Variants in R3HDM1 observed in about 807,000 individuals in gnomAD.
The protein encoded by R3HDM1 is R3H domain-containing protein 1.
A neutral mutation model predicts 141.1 loss-of-function variants in R3HDM1; 46 were observed. The observed-to-expected ratio is 0.33, with a 90% CI of 0.26 to 0.42. R3HDM1 has a LOEUF of 0.42. Among genes scored for constraint, R3HDM1 ranks in the 10% least tolerant of loss-of-function variants. The pLI is 1.00. For synonymous variants in R3HDM1, 435 were observed against 472.9 expected, an observed-to-expected ratio of 0.92 and a Z score of 1.04; for missense variants, 1,184 against 1,368.3, an observed-to-expected ratio of 0.87 and a Z score of 2.12.
At chr2:135,572,127 T>G (rs1704258706) in intron 1 of R3HDM1, among the ~76,000 whole-genome samples, 1 of 152,084 alleles carries the variant, frequency 6.6e-6, no homozygotes, top group Non-Finnish European at 1.5e-5. Context: ...CCAGCTAATT[T>G]TTTTGGTTTT....
At chr2:135,708,473 TAAG>T (rs1316845967) in intron 21 of R3HDM1, among the ~76,000 whole-genome samples, 2 of 152,174 alleles carry the variant, frequency 1.3e-5, no homozygotes, top group Non-Finnish European at 2.9e-5. Context: ...CCAACTAAAT[TAAG>T]AAATACTGTT....
intron 1 of R3HDM1, among the ~76,000 whole-genome samples, chr2:135,541,934 A>C (rs1002527716): frequency 6.6e-6 from 1 of 152,090 alleles, no homozygotes. Flanking sequence ...TTTTTACCCA[A>C]AATGTGTGAG....
At chr2:135,601,910 C>T (rs1385385543) in intron 1 of R3HDM1, among the ~76,000 whole-genome samples, 2 of 151,602 alleles carry the variant, frequency 1.3e-5, no homozygotes, top group African/African-American at 4.8e-5. Flanking sequence ...GATCCTCCTG[C>T]CTTGGCTTCC....
At chr2:135,654,876 G>A (rs2065621088) in intron 18 of R3HDM1, among the ~76,000 whole-genome samples, 1 of 147,568 alleles carries the variant, frequency 6.8e-6, no homozygotes, top group South Asian at 2.1e-4. Flanking sequence ...GTGTGTGTGT[G>A]TGTGTGTGTG....
In R3HDM1 at chr2:135,560,729, G is replaced by A. The variant is rs115774816; in HGVS notation, c.-250+29096G>A. ...GACTTGAGGTGCTTATCTGTACTCA[G>A]TTATGCTTTCTGGGCATCTGGAACA... On this transcript the variant is annotated intron_variant, in intron 1 of 26. Transcript: ENST00000683871. 6.2e-3 allele frequency among the ~76,000 whole-genome samples: 943 copies of A among 152,304 alleles called. 8 individuals are homozygous for A. The highest frequency in any genetic ancestry group is 0.042 in the South Asian group (201 of 4,826).
At chr2:135,722,385 T>C in intron 25 of R3HDM1, 84 bp from the exon 26 acceptor site, 1 of 1,391,492 alleles carries the variant, frequency 7.2e-7, no homozygotes, top group Non-Finnish European at 9.9e-7. Context: ...AAACTAAAGG[T>C]GTTTTGGTGT....
chr2:135,540,568 G>A (rs540594617), intron 1 of R3HDM1, among the ~76,000 whole-genome samples: 5 of 152,164 alleles, frequency 3.3e-5, no homozygotes, highest in African/African-American at 7.2e-5. Flanking sequence ...CACCACATCC[G>A]TCTATTTTTA....
intron 18 of R3HDM1, among the ~76,000 whole-genome samples, chr2:135,659,395 GC>G (rs1311694143): frequency 6.6e-6 from 1 of 151,626 alleles, no homozygotes; most frequent in Admixed American, 6.6e-5. Context: ...CCTGCCCCTG[GC>G]CCTGAATCTG....
intron 3 of R3HDM1, among the ~76,000 whole-genome samples, chr2:135,615,060 C>A (rs2060894400): frequency 6.6e-6 from 1 of 151,956 alleles, no homozygotes; most frequent in Non-Finnish European, 1.5e-5. Flanking sequence ...AGTCATTTTT[C>A]TTTTATTTTT....
chr2:135,605,387 T>C (rs1173355365), intron 3 of R3HDM1: 1 of 161,978 alleles, frequency 6.2e-6, no homozygotes, highest in African/African-American at 2.4e-5. Context: ...AGACGAACTA[T>C]TGGCAAAAAC....
intron 21 of R3HDM1, among the ~76,000 whole-genome samples, chr2:135,687,956 C>T (rs313526): frequency 0.49 from 74,786 of 152,036 alleles, 23,106 homozygotes; most frequent in East Asian, 0.88. Flanking sequence ...ATTTGCAAAT[C>T]TGCCTATTTG....
chr2:135,537,180 A>G (rs1696343260), intron 1 of R3HDM1, among the ~76,000 whole-genome samples: 1 of 151,688 alleles, frequency 6.6e-6, no homozygotes, highest in Non-Finnish European at 1.5e-5. Flanking sequence ...AATTTAAAAA[A>G]AAAAAAAAAA....
At chr2:135,589,589 G>A (rs1375289508) in intron 1 of R3HDM1, among the ~76,000 whole-genome samples, 1 of 151,856 alleles carries the variant, frequency 6.6e-6, no homozygotes, top group Non-Finnish European at 1.5e-5. Flanking sequence ...TAAGCCCCAG[G>A]GTACCACAAA....
intron 7 of R3HDM1, 37 bp from the exon 8 acceptor site, chr2:135,631,681 A>G: frequency 6.7e-7 from 1 of 1,493,330 alleles, no homozygotes; most frequent in South Asian, 1.3e-5. Context: ...CTTCATTGCT[A>G]AGTTTTACAT....
At chr2:135,661,171 T>C (rs3769018) in intron 18 of R3HDM1, 99 bp from the exon 19 acceptor site, 135,107 of 1,413,218 alleles carry the variant, frequency 0.096, 9,240 homozygotes, top group Middle Eastern at 0.31. Flanking sequence ...TGATTAGTGC[T>C]AAAAAGAATT....
intron 23 of R3HDM1, among the ~76,000 whole-genome samples, chr2:135,711,396 A>G (rs977858961): frequency 3.9e-5 from 6 of 152,338 alleles, no homozygotes; most frequent in Non-Finnish European, 8.8e-5. Context: ...GGCCAGGCGC[A>G]GTGGCTCATG....
intron 1 of R3HDM1, chr2:135,586,920 G>A (rs1193757074): frequency 1.0e-6 from 1 of 984,478 alleles, no homozygotes; most frequent in Non-Finnish European, 1.2e-6. Flanking sequence ...ATTTTATTGT[G>A]GAACAAATAC....
intron 1 of R3HDM1, among the ~76,000 whole-genome samples, chr2:135,572,985 C>CT (rs1704491626): frequency 1.3e-5 from 2 of 152,072 alleles, no homozygotes; most frequent in Admixed American, 1.3e-4. Flanking sequence ...TAGTGGTTGT[C>CT]TCGGGCTGGA....
intron 1 of R3HDM1, among the ~76,000 whole-genome samples, chr2:135,537,608 CTTATT>C (rs60815896): frequency 0.1 from 10,781 of 107,258 alleles, 684 homozygotes; most frequent in South Asian, 0.2. Context: ...TTAGTGAGCC[CTTATT>C]TTATTTTATT....
Sources: gnomAD v4.1 joint callset for allele counts (sites outside exome capture counted in the v4.1 genomes callset) on GRCh38, gnomAD v4.1.1 for gene constraint, MANE v1.5 for transcripts, NCBI Gene and HGNC (gene_info 2026-07-23, HGNC 2026-07-21) for gene names.